Variants in DYNC2LI1 observed in about 807,000 individuals in gnomAD.
DYNC2LI1 encodes dynein cytoplasmic 2 light intermediate chain 1.
Under a neutral mutation model 51.9 loss-of-function variants are expected in DYNC2LI1, and 45 were observed. The ratio of observed to expected loss-of-function variants is 0.87; its 90% CI spans 0.68 to 1.11. The LOEUF is 1.11. Among genes scored for constraint, DYNC2LI1 ranks in the 50% most tolerant of loss-of-function variants. The probability of loss-of-function intolerance (pLI) is 0.00; values close to 1 mark genes in which losing one functional copy is unlikely to be tolerated. For synonymous variants in DYNC2LI1, 130 were observed against 137.8 expected (o/e 0.94, Z 0.40); for missense variants, 490 against 417.4 (o/e 1.17, Z -1.51).
downstream of DYNC2LI1, chr2:43,814,591 T>A (rs776443745): frequency 1.3e-6 from 2 of 1,567,632 alleles, no homozygotes; most frequent in South Asian, 2.2e-5. Context: ...TGTATGTTTC[T>A]TAAGAAAAAG....
At chr2:43,821,449 T>C in the DYNC2LI1 span, among the ~76,000 whole-genome samples, 3 of 152,146 alleles carry the variant, frequency 2.0e-5, no homozygotes, top group Non-Finnish European at 4.4e-5. Context: ...CTCAAAATGG[T>C]TTCGCTCCCA....
the DYNC2LI1 span, among the ~76,000 whole-genome samples, chr2:43,818,577 A>G: frequency 6.6e-6 from 1 of 152,228 alleles, no homozygotes; most frequent in African/African-American, 2.4e-5. Context: ...ATAATATAAA[A>G]GAGGAAATGC....
chr2:43,797,835 A>G (rs1665935908), intron 8 of DYNC2LI1, among the ~76,000 whole-genome samples: 1 of 152,164 alleles, frequency 6.6e-6, no homozygotes, highest in African/African-American at 2.4e-5. Flanking sequence ...TTTTATTTAA[A>G]AAATTTCCAG....
chr2:43,774,272 C>A (rs1672909668), intron 1 of DYNC2LI1, 126 bp downstream of exon 1: 2 of 1,283,922 alleles, frequency 1.6e-6, no homozygotes, highest in South Asian at 2.6e-5. Flanking sequence ...TATGCAGGGT[C>A]GGGGACCTAG....
chr2:43,787,714 G>A (rs1204925066), intron 4 of DYNC2LI1, among the ~76,000 whole-genome samples: 1 of 152,032 alleles, frequency 6.6e-6, no homozygotes, highest in Non-Finnish European at 1.5e-5. Flanking sequence ...CTCTTTAGAG[G>A]AACATGATAA....
downstream of DYNC2LI1, chr2:43,810,013 T>A (rs1042460670): frequency 1.8e-6 from 2 of 1,086,846 alleles, no homozygotes; most frequent in African/African-American, 3.3e-5. Context: ...ACCTCTAACA[T>A]GTTTAAGTGG....
chr2:43,794,942 A>T, intron 6 of DYNC2LI1: 1 of 1,299,664 alleles, frequency 7.7e-7, no homozygotes, highest in South Asian at 2.4e-5. Context: ...CTCTGTAAAA[A>T]TGAAGATAAA....
At chr2:43,810,289 G>C (rs577369001), downstream of DYNC2LI1, 840 of 877,628 alleles carry the variant, frequency 9.6e-4, 5 homozygotes, top group South Asian at 0.015. Context: ...GTCGCCATCA[G>C]TGGTCTGGAA....
chr2:43,792,807 C>T, intron 5 of DYNC2LI1: 1 of 1,523,718 alleles, frequency 6.6e-7, no homozygotes, highest in Non-Finnish European at 8.8e-7. Flanking sequence ...CAGGGTTCTT[C>T]CGTTTGTAGT....
At chr2:43,812,867 C>T (rs1451989166), downstream of DYNC2LI1, 2 of 510,170 alleles carry the variant, frequency 3.9e-6, no homozygotes, top group Non-Finnish European at 7.1e-6. Flanking sequence ...TATTTACATT[C>T]TTGGGTCCGC....
chr2:43,795,287 CGA>C, intron 6 of DYNC2LI1: 1 of 654,692 alleles, frequency 1.5e-6, no homozygotes, highest in Non-Finnish European at 1.9e-6. Context: ...GGGCGGATCA[CGA>C]CGTCAAGAGA....
At chr2:43,775,006 G>C (rs752673628) in intron 1 of DYNC2LI1, among the ~76,000 whole-genome samples, 6 of 151,030 alleles carry the variant, frequency 4.0e-5, no homozygotes, top group Admixed American at 3.3e-4. Flanking sequence ...AAGGACTCCT[G>C]TTTTGACCCT....
chr2:43,804,870 T>A, intron 11 of DYNC2LI1, 131 bp downstream of exon 11: 2 of 597,392 alleles, frequency 3.3e-6, no homozygotes, highest in Non-Finnish European at 5.5e-6. Flanking sequence ...AAACATTTGC[T>A]GAAAATGTAA....
At chr2:43,805,377 TA>T in intron 12 of DYNC2LI1, 131 bp downstream of exon 12, 1 of 519,492 alleles carries the variant, frequency 1.9e-6, no homozygotes, top group Admixed American at 3.6e-5. Context: ...ATTATTTAAG[TA>T]GTACATCTAT....
Position 43,804,666 on chromosome 2 carries a change from A to G in DYNC2LI1, c.827A>G (p.Asp276Gly). 1 of 1,606,870 alleles carries G rather than the reference A, an allele frequency of 6.2e-7. No homozygotes were observed. Among genetic ancestry groups the G allele is most frequent in the Non-Finnish European group, 8.5e-7 (1 of 1,177,508 alleles). ...QIGSPPVPEN[D>G]IGKLHAHSPM... Reference sequence around the variant, plus strand: ...GGATCTCCTCCTGTTCCTGAAAATGACATTGGAAAGCTTCATGCCCACTCA... The same window carrying G: ...GGATCTCCTCCTGTTCCTGAAAATGGCATTGGAAAGCTTCATGCCCACTCA... The change falls in exon 11 of 13, where the codon GAC becomes GGC. Residue 276 changes from aspartate to glycine, a missense_variant. Asp to Gly is a moderately conservative substitution (Grantham distance 94, BLOSUM62 -1). Coordinates refer to ENST00000260605, the MANE Select transcript of DYNC2LI1 (RefSeq NM_016008.4).
chr2:43,796,022 G>C, intron 7 of DYNC2LI1, 64 bp downstream of exon 7: 1 of 1,097,738 alleles, frequency 9.1e-7, no homozygotes, highest in Non-Finnish European at 1.3e-6. Context: ...TATGAGGGAG[G>C]TACAAAAATA....
At chr2:43,795,664 A>T (rs1433569212) in intron 6 of DYNC2LI1, among the ~76,000 whole-genome samples, 2 of 152,226 alleles carry the variant, frequency 1.3e-5, no homozygotes, top group Non-Finnish European at 2.9e-5. Context: ...AAAAAGGAAA[A>T]TAATAAATAT....
At chr2:43,817,060 T>A in the DYNC2LI1 span, among the ~76,000 whole-genome samples, 1 of 152,186 alleles carries the variant, frequency 6.6e-6, no homozygotes, top group Non-Finnish European at 1.5e-5. Flanking sequence ...GACTAGCAGG[T>A]TGATGTGGCC....
the DYNC2LI1 span, chr2:43,827,834 A>C: frequency 7.9e-7 from 1 of 1,269,246 alleles, no homozygotes; most frequent in South Asian, 1.3e-5. Context: ...ATTTCCAAAA[A>C]AACTGGGTCC....
Sources: allele counts gnomAD v4.1 joint callset (sites outside exome capture counted in the v4.1 genomes callset), GRCh38; gene constraint gnomAD v4.1.1; transcripts MANE v1.5; gene names NCBI Gene and HGNC (gene_info 2026-07-23, HGNC 2026-07-21).